The following BRAP variants were observed in gnomAD, a reference collection of about 807,000 sequenced individuals.
The protein encoded by BRAP is BRCA1-associated protein.
Under a neutral mutation model 73.4 loss-of-function variants are expected in BRAP, and 42 were observed. That is an observed-to-expected ratio of 0.57 (90% CI 0.45 to 0.74). The LOEUF (loss-of-function observed/expected upper bound fraction) is 0.74, where lower values mean the gene tolerates loss of function less well. BRAP is among the 30% of genes least tolerant of loss of function. The pLI, the probability that BRAP is intolerant of heterozygous loss-of-function variation, is 0.00. For synonymous variants in BRAP, 255 were observed against 267.4 expected, an observed-to-expected ratio of 0.95 and a Z score of 0.45; for missense variants, 593 against 751.4, an observed-to-expected ratio of 0.79 and a Z score of 2.46.
In BRAP at chr12:111,644,208, C is replaced by T. The variant is rs1366726293; in HGVS notation, c.1770G>A (p.Arg590=). The part of the protein sequence containing the change: ...KLPSRKGRSK[R]GK ...TCTGTTGCTCTGAAGGTCACTTGCC[C>T]CTCTTGCTGCGGCCCTTCCTGGAGG... The change falls in exon 12 of 12, where the codon AGG becomes AGA. Residue 590 remains arginine, a synonymous_variant. Coordinates refer to ENST00000419234, the MANE Select transcript of BRAP (RefSeq NM_006768.5). The T allele has an allele frequency of 1.9e-6, 3 of 1,610,380 alleles. No individual in the cohort carries two copies. The South Asian group carries it at 3.3e-5, about 18-fold the overall frequency.
intron 4 of BRAP, among the ~76,000 whole-genome samples, chr12:111,674,011 A>G (rs562236568): frequency 5.3e-5 from 8 of 152,308 alleles, no homozygotes; most frequent in South Asian, 2.1e-4. Flanking sequence ...CCAAACACAG[A>G]AAGTTATGTG....
At chr12:111,664,925 T>C (rs1886884656) in intron 6 of BRAP, among the ~76,000 whole-genome samples, 5 of 152,184 alleles carry the variant, frequency 3.3e-5, no homozygotes, top group Admixed American at 3.3e-4. Flanking sequence ...TGCACACTGC[T>C]CTTCTGTAAC....
intron 2 of BRAP, 77 bp downstream of exon 2, chr12:111,683,069 C>A: frequency 6.8e-7 from 1 of 1,469,632 alleles, no homozygotes; most frequent in Non-Finnish European, 9.2e-7. Flanking sequence ...AAATTGTAGG[C>A]TCATCAAACA....
At chr12:111,674,226 T>G (rs985707577) in intron 4 of BRAP, among the ~76,000 whole-genome samples, 2 of 152,142 alleles carry the variant, frequency 1.3e-5, no homozygotes, top group African/African-American at 4.8e-5. Context: ...TGTGAATTCT[T>G]GATTACTTAT....
In BRAP at chr12:111,644,421, A is replaced by G; in HGVS notation, c.1557T>C (p.Cys519=). The change falls in exon 12 of 12, where the codon TGT becomes TGC. Residue 519 remains cysteine, a synonymous_variant. Coordinates refer to ENST00000419234, the MANE Select transcript of BRAP (RefSeq NM_006768.5). The stretch of plus-strand genomic sequence containing the variant: ...CGGTGATCTGCAGATCTTTTTGGTC[A>G]CAGGTCTCCTTCAGCACCCTCTCCT... The part of the protein sequence containing the change: ...KEEERVLKET[C]DQKDLQITEI... 1 of 1,613,844 alleles carries G rather than the reference A, an allele frequency of 6.2e-7. No individual in the cohort carries two copies. The highest frequency in any genetic ancestry group is 8.5e-7 in the Non-Finnish European group (1 of 1,179,974).
intron 10 of BRAP, among the ~76,000 whole-genome samples, chr12:111,650,955 A>G (rs1025890117): frequency 6.6e-6 from 1 of 152,094 alleles, no homozygotes; most frequent in African/African-American, 2.4e-5. Context: ...CCCAGCCCAG[A>G]GTATGTTGGA....
intron 11 of BRAP, 127 bp from the exon 12 acceptor site, chr12:111,644,689 C>T (rs78238613): frequency 7.2e-6 from 10 of 1,380,280 alleles, no homozygotes; most frequent in Non-Finnish European, 9.8e-6. Flanking sequence ...TTTCTCCCAT[C>T]GTGAGGGAGA....
In BRAP at chr12:111,642,887, T is replaced by G. The variant is rs1215575710; in HGVS notation, c.*1312A>C. The G allele has an allele frequency of 6.6e-6, 1 of 152,220 alleles. No homozygotes were observed. 9.4% of individuals were successfully genotyped at this position (152,220 alleles called of 1,614,324 possible). On this transcript the variant is annotated 3_prime_UTR_variant, in exon 12 of 12. Transcript: ENST00000419234. Reference sequence around the variant, plus strand: ...AGTTGATGTGCTAACAAGTAACATGTAAGACATTTAGGTCAAAGGGGATGA... The same window carrying G: ...AGTTGATGTGCTAACAAGTAACATGGAAGACATTTAGGTCAAAGGGGATGA...
chr12:111,656,369 A>G (rs1390319451), intron 9 of BRAP, among the ~76,000 whole-genome samples: 1 of 152,238 alleles, frequency 6.6e-6, no homozygotes, highest in Non-Finnish European at 1.5e-5. Flanking sequence ...CTACTTGACC[A>G]AGACAGAGCT....
intron 5 of BRAP, among the ~76,000 whole-genome samples, chr12:111,671,847 G>C (rs2135921390): frequency 6.6e-6 from 1 of 151,836 alleles, no homozygotes; most frequent in African/African-American, 2.4e-5. Flanking sequence ...CATCACACCT[G>C]GCTAATTTTT....
rs374110660 is a variant in BRAP at position 111,655,535 on chromosome 12, T to C, written c.1311+31A>G. The C allele has an allele frequency of 2.6e-6, 4 of 1,565,688 alleles. No individual in the cohort carries two copies. The African/African-American group carries it at 5.4e-5, about 21-fold the overall frequency. On this transcript the variant is annotated intron_variant, in intron 10 of 11. Coordinates refer to ENST00000419234, the MANE Select transcript of BRAP (RefSeq NM_006768.5). ...ATCAGAGTGCCCTGCCATGTGTCAT[T>C]TCCGCAGTCACCCAAACCAAACAGA...
At chr12:111,646,226 C>T (rs967851529) in intron 11 of BRAP, among the ~76,000 whole-genome samples, 2 of 152,036 alleles carry the variant, frequency 1.3e-5, no homozygotes, top group Non-Finnish European at 2.9e-5. Flanking sequence ...TTTGAGCCTG[C>T]AGTGGGCTGT....
At position 111,660,132 on chromosome 12, in the gene BRAP, T is replaced by C. The variant is rs377718314; in HGVS notation, c.972+468A>G. 3.3e-5 allele frequency among the ~76,000 whole-genome samples: 5 copies of C among 151,564 alleles called. No homozygotes were observed. In the East Asian group the frequency reaches 7.7e-4, roughly 23 times the overall value. On this transcript the variant is annotated intron_variant, in intron 7 of 11. Coordinates refer to ENST00000419234, the MANE Select transcript of BRAP (RefSeq NM_006768.5). ...TTCTACAGGAGCCTGAGTGATTAAA[T>C]GTATGTTTAAAACCCAACAATCAAG... is the stretch of plus-strand genomic sequence containing the variant.
In BRAP at chr12:111,680,691, CAA is replaced by C. The variant is rs111511913; in HGVS notation, c.443+944_443+945del. On this transcript the variant is annotated intron_variant, in intron 3 of 11. Coordinates refer to ENST00000419234, the MANE Select transcript of BRAP (RefSeq NM_006768.5). The stretch of plus-strand genomic sequence containing the variant: ...TGAGTTATGGAGTGAGACCCTGTCT[CAA>C]AAAAAAACAAAACAAAAAACAAAAC... 3.2e-3 allele frequency among the ~76,000 whole-genome samples: 466 copies of C among 145,770 alleles called. 5 individuals are homozygous for C. Among genetic ancestry groups the C allele is most frequent in the Non-Finnish European group, 5.5e-3 (363 of 66,468 alleles).
At chr12:111,684,915 C>G (rs1027210097) in intron 1 of BRAP, among the ~76,000 whole-genome samples, 6 of 152,182 alleles carry the variant, frequency 3.9e-5, no homozygotes, top group African/African-American at 1.4e-4. Flanking sequence ...GTGACCCGCC[C>G]GCCTCGGCCT....
At chr12:111,664,674 G>GC (rs1886873215) in intron 6 of BRAP, among the ~76,000 whole-genome samples, 1 of 152,186 alleles carries the variant, frequency 6.6e-6, no homozygotes, top group African/African-American at 2.4e-5. Context: ...GCCAGGCATG[G>GC]CCCCCGCTCT....
chr12:111,655,762 C>A, intron 9 of BRAP, 107 bp from the exon 10 acceptor site: 1 of 866,748 alleles, frequency 1.2e-6, no homozygotes, highest in Non-Finnish European at 1.9e-6. Context: ...TAAAACTAAC[C>A]AACAGAATGT....
intron 1 of BRAP, chr12:111,685,502 G>A: frequency 3.3e-6 from 4 of 1,211,712 alleles, no homozygotes; most frequent in Non-Finnish European, 3.2e-6. Context: ...ACGGCACAGG[G>A]AGGGAGGTTC....
rs1443882657 is a variant in BRAP at position 111,643,985 on chromosome 12, AAG to A, written c.*212_*213del. The A allele has an allele frequency of 7.0e-6, 5 of 718,494 alleles. No individual in the cohort carries two copies. In the Admixed American group the frequency reaches 1.2e-4, roughly 18 times the overall value. The allele number at this position is 718,494 out of a possible 1,614,324, so 44.5% of individuals were successfully genotyped here. The stretch of plus-strand genomic sequence containing the variant: ...TAGAATGTGAGGTTAGTGAACTCTT[AAG>A]ACCTTTTCGAACGCAGCGCCTTTCT... On this transcript the variant is annotated 3_prime_UTR_variant, in exon 12 of 12. Transcript: ENST00000419234.
Sources: allele counts gnomAD v4.1 joint callset (sites outside exome capture counted in the v4.1 genomes callset), GRCh38; gene constraint gnomAD v4.1.1; transcripts MANE v1.5; gene names NCBI Gene and HGNC (gene_info 2026-07-23, HGNC 2026-07-21).